RCAN1: variants seen among roughly 807,000 people sequenced by gnomAD.
RCAN1 encodes regulator of calcineurin 1, also known as calcipressin-1.
A neutral mutation model predicts 22.9 loss-of-function variants in RCAN1; 11 were observed. That is an observed-to-expected ratio of 0.48 (90% CI 0.30 to 0.79). The LOEUF is 0.79. Ranked by LOEUF, RCAN1 falls within the 30% of genes least tolerant of loss-of-function variation. The pLI is 0.06. For missense variants in RCAN1, 291 were observed against 337.8 expected (o/e 0.86, Z 1.09); for synonymous variants, 136 against 142.3 (o/e 0.96, Z 0.32).
chr21:34,521,851 A>T, intron 2 of RCAN1, 193 bp from the exon 3 acceptor site: 1 of 573,154 alleles, frequency 1.7e-6, no homozygotes. Flanking sequence ...GTTGTGGCAC[A>T]GATAGGATGA....
rs201448343 is a variant in RCAN1 at position 34,546,690 on chromosome 21, A to G, written c.253-22980T>C. On this transcript the variant is annotated intron_variant, in intron 1 of 3. Transcript: ENST00000313806. ...AGAGGGTAGAAGTCAGAAGACGCAA[A>G]CAACATCCACCGTACCAGGAACTGA... is the stretch of plus-strand genomic sequence containing the variant. Among the ~76,000 whole-genome samples, 9 of 152,332 alleles carry G rather than the reference A, an allele frequency of 5.9e-5. No individual in the cohort carries two copies. In the East Asian group the frequency reaches 1.7e-3, roughly 29 times the overall value.
chr21:34,540,970 G>A (rs1985889052), intron 1 of RCAN1, among the ~76,000 whole-genome samples: 3 of 152,052 alleles, frequency 2.0e-5, no homozygotes, highest in Admixed American at 6.5e-5. Flanking sequence ...GGAATACAGA[G>A]CGAGACTCTG....
intron 1 of RCAN1, among the ~76,000 whole-genome samples, chr21:34,585,298 A>G (rs1043784339): frequency 6.6e-6 from 1 of 152,268 alleles, no homozygotes; most frequent in Non-Finnish European, 1.5e-5. Flanking sequence ...GAAGCAGCAC[A>G]TGCTAAGATA....
At chr21:34,562,695 G>A (rs992002537) in intron 1 of RCAN1, among the ~76,000 whole-genome samples, 1 of 152,108 alleles carries the variant, frequency 6.6e-6, no homozygotes, top group African/African-American at 2.4e-5. Flanking sequence ...CTCAGCCCTC[G>A]CCACCTTTGG....
At chr21:34,533,046 C>T (rs575317371) in intron 1 of RCAN1, among the ~76,000 whole-genome samples, 98 of 151,732 alleles carry the variant, frequency 6.5e-4, no homozygotes, top group Middle Eastern at 3.4e-3. Context: ...CTGCAAGCTC[C>T]GCCTCCCGGG....
intron 1 of RCAN1, among the ~76,000 whole-genome samples, chr21:34,575,277 C>T (rs1987375072): frequency 6.6e-6 from 1 of 152,204 alleles, no homozygotes; most frequent in Non-Finnish European, 1.5e-5. Flanking sequence ...ACCTTCTCCC[C>T]ATCTGGAGCG....
At chr21:34,574,527 G>A (rs1197243710) in intron 1 of RCAN1, among the ~76,000 whole-genome samples, 1 of 152,210 alleles carries the variant, frequency 6.6e-6, no homozygotes, top group African/African-American at 2.4e-5. Flanking sequence ...ATCAGCCTCA[G>A]GTCCTGGGAA....
chr21:34,518,007 G>A lies in RCAN1; in HGVS notation c.*77C>T, dbSNP rs1244624939. The A allele has an allele frequency of 2.6e-6, 4 of 1,563,148 alleles. No individual in the cohort carries two copies. The Admixed American group carries it at 7.0e-5, about 27-fold the overall frequency. On this transcript the variant is annotated 3_prime_UTR_variant, in exon 4 of 4. Transcript: ENST00000313806. This position sits in a 1 kb window ranked among gnomAD's most constrained non-coding sequence, Gnocchi z 4.2. ...GATCTCGGCTGCCACCTCCGAAGAA[G>A]TCGTGACCAGCCACCTCCACAGTAA...
intron 1 of RCAN1, among the ~76,000 whole-genome samples, chr21:34,544,564 C>A (rs1464611443): frequency 2.0e-5 from 3 of 152,186 alleles, no homozygotes. Context: ...TTGTAAGCCA[C>A]TAGATTTGTA....
Position 34,602,697 on chromosome 21 carries a change from C to T in RCAN1, c.252+12063G>A, listed in dbSNP as rs743301. Among the ~76,000 whole-genome samples the T allele has an allele frequency of 4.8e-3, 729 of 152,278 alleles. 24 individuals carry two copies. In the East Asian group the frequency reaches 0.078, roughly 16 times the overall value. ...GAGTGGTGGTAATTCTGGAATCATC[C>T]GGGTGACCTGCCTACCAGCAAAAGC... On this transcript the variant is annotated intron_variant, in intron 1 of 3. Coordinates refer to ENST00000313806, the MANE Select transcript of RCAN1 (RefSeq NM_004414.7).
intron 1 of RCAN1, 74 bp from the exon 2 acceptor site, chr21:34,523,784 C>CTTTTTTTTTTTTTTTT (rs5843666): frequency 1.1e-6 from 1 of 937,558 alleles, no homozygotes. Context: ...GATGTCATTA[C>CTTTTTTTTTTTTTTTT]TTTTTTTTTT....
intron 1 of RCAN1, among the ~76,000 whole-genome samples, chr21:34,532,421 G>C (rs941085949): frequency 1.3e-5 from 2 of 152,190 alleles, no homozygotes; most frequent in Non-Finnish European, 2.9e-5. Context: ...AACTTCCTAC[G>C]TCTGTCTCCA....
At position 34,614,360 on chromosome 21, in the gene RCAN1, G is replaced by A; in HGVS notation, c.252+400C>T. The A allele has an allele frequency of 3.0e-6, 3 of 991,274 alleles. No individual in the cohort carries two copies. The highest frequency in any genetic ancestry group is 3.5e-5 in the African/African-American group (2 of 57,626). 61.4% of individuals were successfully genotyped at this position (991,274 alleles called of 1,614,324 possible). A position where few individuals can be genotyped will look rare whatever the true frequency, so the allele number is the denominator to read the frequency against. The stretch of plus-strand genomic sequence containing the variant: ...TTTATGAACACTGAGTCACGTCGCC[G>A]CTCAATGTCTGTTTCCTCCTCCCTA... On this transcript the variant is annotated intron_variant, in intron 1 of 3. Transcript: ENST00000313806. This position sits in a 1 kb window ranked among gnomAD's most constrained non-coding sequence, Gnocchi z 6.0.
intron 1 of RCAN1, among the ~76,000 whole-genome samples, chr21:34,610,905 T>C (rs1988669878): frequency 6.6e-6 from 1 of 152,252 alleles, no homozygotes; most frequent in African/African-American, 2.4e-5. Flanking sequence ...TGAGTTGTTT[T>C]TGTTTTTTTT....
intron 1 of RCAN1, among the ~76,000 whole-genome samples, chr21:34,572,432 T>C (rs1601188148): frequency 6.6e-6 from 1 of 151,976 alleles, no homozygotes; most frequent in South Asian, 2.1e-4. Flanking sequence ...GCACAGGGGG[T>C]GACTAGGAGC....
At chr21:34,564,593 G>A (rs1483844500) in intron 1 of RCAN1, among the ~76,000 whole-genome samples, 6 of 152,080 alleles carry the variant, frequency 3.9e-5, no homozygotes, top group Non-Finnish European at 8.8e-5. Context: ...GCAACACAGC[G>A]GAGAGTCACA....
intron 1 of RCAN1, among the ~76,000 whole-genome samples, chr21:34,602,687 T>C (rs1228025938): frequency 2.0e-5 from 3 of 152,214 alleles, no homozygotes; most frequent in African/African-American, 7.2e-5. Context: ...GTGGTAATTC[T>C]GGAATCATCC....
At chr21:34,595,549 C>T (rs914575543) in intron 1 of RCAN1, among the ~76,000 whole-genome samples, 2 of 152,194 alleles carry the variant, frequency 1.3e-5, no homozygotes, top group Non-Finnish European at 2.9e-5. Flanking sequence ...GAATGAGCCC[C>T]GGAGCCCAGG....
At chr21:34,556,857 G>T (rs1986593860) in intron 1 of RCAN1, among the ~76,000 whole-genome samples, 1 of 152,202 alleles carries the variant, frequency 6.6e-6, no homozygotes, top group African/African-American at 2.4e-5. Flanking sequence ...GCAGGGCCAT[G>T]CTGAGAAGGG....
Sources: gnomAD v4.1 joint callset for allele counts (sites outside exome capture counted in the v4.1 genomes callset) on GRCh38, gnomAD v4.1.1 for gene constraint, Gnocchi (gnomAD v3.1) non-coding constraint, MANE v1.5 for transcripts, NCBI Gene and HGNC (gene_info 2026-07-23, HGNC 2026-07-21) for gene names.